TMEM132D: variants seen among roughly 807,000 people sequenced by gnomAD.
The protein encoded by TMEM132D is mature OL transmembrane protein.
TMEM132D carries 21 observed loss-of-function variants against 62.3 expected under a neutral mutation model. That is an observed-to-expected ratio of 0.34 (90% CI 0.24 to 0.49). The LOEUF (loss-of-function observed/expected upper bound fraction) is 0.49. Among genes scored for constraint, TMEM132D ranks in the 20% least tolerant of loss-of-function variants. The probability of loss-of-function intolerance (pLI) is 0.99; values close to 1 mark genes in which losing one functional copy is unlikely to be tolerated. For missense variants in TMEM132D, 1,346 were observed against 1,402.8 expected, an observed-to-expected ratio of 0.96 and a Z score of 0.65; for synonymous variants, 621 against 575.6, an observed-to-expected ratio of 1.08 and a Z score of -1.13.
intron 2 of TMEM132D, among the ~76,000 whole-genome samples, chr12:129,687,450 GGTA>G (rs763881214): frequency 1.3e-5 from 2 of 151,980 alleles, no homozygotes; most frequent in Non-Finnish European, 2.9e-5. Context: ...TCTGAGGAGG[GGTA>G]GTAGTTGTCC....
At chr12:129,455,532 A>G (rs942736325) in intron 3 of TMEM132D, among the ~76,000 whole-genome samples, 1 of 152,242 alleles carries the variant, frequency 6.6e-6, no homozygotes. Flanking sequence ...TAGTAAAAAC[A>G]TGAAAGAGAA....
intron 2 of TMEM132D, among the ~76,000 whole-genome samples, chr12:129,563,357 C>T (rs1877288483): frequency 6.6e-6 from 1 of 152,112 alleles, no homozygotes; most frequent in Non-Finnish European, 1.5e-5. Flanking sequence ...ATTTTTGATC[C>T]TCAGTGCTCT....
chr12:129,548,537 T>C (rs560416331), intron 2 of TMEM132D, among the ~76,000 whole-genome samples: 1 of 152,288 alleles, frequency 6.6e-6, no homozygotes, highest in South Asian at 2.1e-4. Context: ...AGGATGAAAA[T>C]CCCATATTGG....
At chr12:129,359,273 TAG>T (rs1369817557) in intron 3 of TMEM132D, among the ~76,000 whole-genome samples, 3 of 152,120 alleles carry the variant, frequency 2.0e-5, no homozygotes, top group Non-Finnish European at 4.4e-5. Context: ...CGGGGGACAA[TAG>T]AGTTATTGCT....
intron 5 of TMEM132D, among the ~76,000 whole-genome samples, chr12:129,117,374 A>T (rs1248116218): frequency 6.6e-6 from 1 of 152,190 alleles, no homozygotes; most frequent in African/African-American, 2.4e-5. Context: ...TTACGTATCA[A>T]TCAAGACCCT....
intron 2 of TMEM132D, among the ~76,000 whole-genome samples, chr12:129,546,279 G>GTTTT (rs548064316): frequency 3.0e-4 from 46 of 152,192 alleles, no homozygotes; most frequent in African/African-American, 1.1e-3. Flanking sequence ...ACATCCACTT[G>GTTTT]TTTTTTCTCA....
chr12:129,479,532 T>A (rs140333186), intron 3 of TMEM132D, among the ~76,000 whole-genome samples: 1,841 of 152,190 alleles, frequency 0.012, 45 homozygotes, highest in African/African-American at 0.042. Flanking sequence ...AAGAGCAAAA[T>A]GCAAAATATG....
intron 4 of TMEM132D, among the ~76,000 whole-genome samples, chr12:129,323,019 G>T (rs1250523736): frequency 6.6e-6 from 1 of 152,184 alleles, no homozygotes; most frequent in African/African-American, 2.4e-5. Context: ...GATCTGCGTG[G>T]AACCATACAG....
intron 2 of TMEM132D, among the ~76,000 whole-genome samples, chr12:129,651,311 A>T (rs1322048233): frequency 1.3e-5 from 2 of 152,226 alleles, no homozygotes; most frequent in African/African-American, 4.8e-5. Context: ...TCGCATTGAT[A>T]CTACAGGGAA....
At chr12:129,284,124 C>T (rs536609355) in intron 4 of TMEM132D, among the ~76,000 whole-genome samples, 2 of 152,216 alleles carry the variant, frequency 1.3e-5, no homozygotes, top group African/African-American at 2.4e-5. Flanking sequence ...GGCCTTTAGA[C>T]CATCGGGGAC....
chr12:129,509,383 C>T (rs1875432358), intron 3 of TMEM132D, among the ~76,000 whole-genome samples: 1 of 152,032 alleles, frequency 6.6e-6, no homozygotes, highest in South Asian at 2.1e-4. Flanking sequence ...TTATGGGGTA[C>T]ATGAGATATT....
At chr12:129,224,655 C>A (rs1879433348) in intron 4 of TMEM132D, among the ~76,000 whole-genome samples, 1 of 152,094 alleles carries the variant, frequency 6.6e-6, no homozygotes, top group African/African-American at 2.4e-5. Context: ...TGCCTATAAT[C>A]CCAGCACTTT....
chr12:129,759,684 C>T (rs1158908892), intron 1 of TMEM132D, among the ~76,000 whole-genome samples: 1 of 152,112 alleles, frequency 6.6e-6, no homozygotes, highest in African/African-American at 2.4e-5. Context: ...GGAATCTATC[C>T]TAAATAGATC....
chr12:129,675,192 G>A (rs1399968247), intron 2 of TMEM132D, among the ~76,000 whole-genome samples: 2 of 152,136 alleles, frequency 1.3e-5, no homozygotes, highest in Non-Finnish European at 2.9e-5. Flanking sequence ...CATTACTGCA[G>A]CCATAAAAAA....
chr12:129,639,926 A>T (rs1276581616), intron 2 of TMEM132D, among the ~76,000 whole-genome samples: 7 of 152,218 alleles, frequency 4.6e-5, no homozygotes, highest in African/African-American at 1.2e-4. Flanking sequence ...TAAAGTGTCC[A>T]TAATAAAGAA....
At chr12:129,450,750 C>CTTTTTTT (rs869041495) in intron 3 of TMEM132D, among the ~76,000 whole-genome samples, 2 of 102,590 alleles carry the variant, frequency 1.9e-5, no homozygotes, top group African/African-American at 3.9e-5. Context: ...TCCATCGCTT[C>CTTTTTTT]TTTTTTTTTT....
intron 2 of TMEM132D, among the ~76,000 whole-genome samples, chr12:129,661,501 G>T (rs1880237739): frequency 6.6e-6 from 1 of 152,226 alleles, no homozygotes; most frequent in African/African-American, 2.4e-5. Context: ...AGCCCCATCA[G>T]AAAGGAAAGT....
chr12:129,180,770 C>A (rs1449726236), intron 5 of TMEM132D, among the ~76,000 whole-genome samples: 1 of 114,674 alleles, frequency 8.7e-6, no homozygotes, highest in African/African-American at 3.0e-5. Context: ...ACTCACTTCC[C>A]TTGTCTTCTC....
At chr12:129,452,186 T>C (rs1431044283) in intron 3 of TMEM132D, among the ~76,000 whole-genome samples, 1 of 152,202 alleles carries the variant, frequency 6.6e-6, no homozygotes, top group East Asian at 1.9e-4. Flanking sequence ...AAGAGAATGA[T>C]TGGATTTTGC....
Sources: gnomAD v4.1 joint callset for allele counts (sites outside exome capture counted in the v4.1 genomes callset) on GRCh38, gnomAD v4.1.1 for gene constraint, MANE v1.5 for transcripts, NCBI Gene and HGNC (gene_info 2026-07-23, HGNC 2026-07-21) for gene names.